The following CACNA1A variants were observed in gnomAD, a reference collection of about 807,000 sequenced individuals.
CACNA1A encodes the protein calcium voltage-gated channel subunit alpha1 A.
A neutral mutation model predicts 262.4 loss-of-function variants in CACNA1A; 57 were observed. The ratio of observed to expected loss-of-function variants is 0.22; its 90% confidence interval spans 0.18 to 0.27. The LOEUF is 0.27. CACNA1A is among the 10% of genes least tolerant of loss of function. CACNA1A has a pLI of 1.00. For synonymous variants in CACNA1A, 1,431 were observed against 1,419.3 expected, an observed-to-expected ratio of 1.01 and a Z score of -0.18; for missense variants, 2,526 against 3,562.8, an observed-to-expected ratio of 0.71 and a Z score of 7.41.
intron 3 of CACNA1A, among the ~76,000 whole-genome samples, chr19:13,425,404 C>T (rs1235245322): frequency 6.6e-6 from 1 of 152,076 alleles, no homozygotes; most frequent in African/African-American, 2.4e-5. Context: ...AGGGTACACA[C>T]GTGTTAGAAA....
chr19:13,223,350 G>A (rs1038766205), intron 38 of CACNA1A, among the ~76,000 whole-genome samples: 2 of 151,958 alleles, frequency 1.3e-5, no homozygotes, highest in Non-Finnish European at 2.9e-5. Context: ...CCACCACCAC[G>A]TCTGGCTAAA....
chr19:13,438,908 T>G (rs975023438), intron 3 of CACNA1A, among the ~76,000 whole-genome samples: 1 of 152,138 alleles, frequency 6.6e-6, no homozygotes, highest in Non-Finnish European at 1.5e-5. Flanking sequence ...CCGACTAATT[T>G]TTATATTTTT....
chr19:13,298,444 T>C (rs1568506669), intron 19 of CACNA1A, 100 bp downstream of exon 19: 2 of 1,166,562 alleles, frequency 1.7e-6, no homozygotes, highest in East Asian at 6.3e-5. Flanking sequence ...CAGCATTTTA[T>C]AATATATTTT....
At chr19:13,293,324 C>T (rs573914246) in intron 19 of CACNA1A, among the ~76,000 whole-genome samples, 42 of 151,806 alleles carry the variant, frequency 2.8e-4, no homozygotes, top group Admixed American at 1.1e-3. Flanking sequence ...TTGACACCAG[C>T]CTGGGCAACA....
intron 6 of CACNA1A, among the ~76,000 whole-genome samples, chr19:13,351,641 C>T (rs2058909885): frequency 6.6e-6 from 1 of 152,192 alleles, no homozygotes; most frequent in Admixed American, 6.5e-5. Flanking sequence ...TCCTGCGTAG[C>T]TGGGACTACA....
intron 6 of CACNA1A, among the ~76,000 whole-genome samples, chr19:13,336,370 T>C (rs1413019394): frequency 6.6e-6 from 1 of 152,158 alleles, no homozygotes; most frequent in Admixed American, 6.5e-5. Flanking sequence ...CCATGAGCCC[T>C]TTCCTCAAGT....
chr19:13,332,404 A>G (rs1445222681), intron 9 of CACNA1A, among the ~76,000 whole-genome samples: 1 of 148,632 alleles, frequency 6.7e-6, no homozygotes, highest in African/African-American at 2.5e-5. Flanking sequence ...TGTCTCAATT[A>G]AAAAAAAAAG....
At chr19:13,360,130 T>C (rs756992725) in intron 5 of CACNA1A, among the ~76,000 whole-genome samples, 4 of 151,800 alleles carry the variant, frequency 2.6e-5, no homozygotes, top group Non-Finnish European at 5.9e-5. Context: ...CATCTCAACA[T>C]TTTGTCATGC....
At chr19:13,416,277 A>AT (rs35189192) in intron 3 of CACNA1A, among the ~76,000 whole-genome samples, 42,328 of 151,568 alleles carry the variant, frequency 0.28, 6,217 homozygotes, top group East Asian at 0.4. Flanking sequence ...ATTTATTTTT[A>AT]TTTTTTATAG....
chr19:13,230,291 C>T, intron 35 of CACNA1A, 82 bp from the exon 36 acceptor site: 4 of 1,478,676 alleles, frequency 2.7e-6, no homozygotes, highest in Non-Finnish European at 3.7e-6. Flanking sequence ...TACAGACAGA[C>T]AGACGGACAG....
rs550703467 is a variant in CACNA1A at position 13,241,640 on chromosome 19, G to A, written c.4950+3542C>T. 109 of 687,878 alleles carry A rather than the reference G, an allele frequency of 1.6e-4. No homozygotes were observed. Among genetic ancestry groups the A allele is most frequent in the Non-Finnish European group, 2.4e-4 (90 of 379,774 alleles). The allele number at this position is 687,878 out of a possible 1,614,324, so 42.6% of individuals were successfully genotyped here. A position where few individuals can be genotyped will look rare whatever the true frequency, so the allele number is the denominator to read the frequency against. Reference sequence around the variant, plus strand: ...CAGTGCCAAAAAACCAATGGGTTTCGGTTCCCGGGCGGGGAGTGGGGGTGG... The same window carrying A: ...CAGTGCCAAAAAACCAATGGGTTTCAGTTCCCGGGCGGGGAGTGGGGGTGG... On this transcript the variant is annotated intron_variant, in intron 31 of 46. Coordinates refer to ENST00000360228, the MANE Select transcript of CACNA1A (RefSeq NM_001127222.2). The surrounding 1 kb of genome is among the most constrained non-coding windows in gnomAD (Gnocchi z 4.0).
At chr19:13,496,799 C>G (rs963664407) in intron 1 of CACNA1A, among the ~76,000 whole-genome samples, 1 of 152,188 alleles carries the variant, frequency 6.6e-6, no homozygotes, top group East Asian at 1.9e-4. Flanking sequence ...ATAAGTCCAT[C>G]CATCTATCCA....
Position 13,410,783 on chromosome 19 carries a change from C to T in CACNA1A, c.540-39004G>A, listed in dbSNP as rs989715428. On this transcript the variant is annotated intron_variant, in intron 3 of 46. Coordinates refer to ENST00000360228, the MANE Select transcript of CACNA1A (RefSeq NM_001127222.2). ...TCATTTTTCATTTGAGTCAACACAT[C>T]AGCATCAGTGGACATCATTGATCAT... Among the ~76,000 whole-genome samples, 7 of 152,252 alleles carry T rather than the reference C, an allele frequency of 4.6e-5. 1 individual carries two copies. The highest frequency in any genetic ancestry group is 2.4e-5 in the African/African-American group (1 of 41,542).
At chr19:13,424,207 CAAACA>C (rs1156795174) in intron 3 of CACNA1A, among the ~76,000 whole-genome samples, 1 of 151,808 alleles carries the variant, frequency 6.6e-6, no homozygotes, top group African/African-American at 2.4e-5. Flanking sequence ...AACAAACAAA[CAAACA>C]AAACAAAACA....
chr19:13,451,675 C>T (rs2060918532), intron 3 of CACNA1A: 1 of 152,230 alleles, frequency 6.6e-6, no homozygotes, highest in South Asian at 2.1e-4. Flanking sequence ...ACACCCCTTC[C>T]AAACTCATAA....
chr19:13,218,602 CAG>C (rs1159428783), intron 38 of CACNA1A, among the ~76,000 whole-genome samples: 2 of 151,326 alleles, frequency 1.3e-5, no homozygotes. Context: ...TTGTTTGAGA[CAG>C]AGTCTTGCTC....
chr19:13,470,926 T>A (rs185742898), intron 1 of CACNA1A, among the ~76,000 whole-genome samples: 1 of 152,188 alleles, frequency 6.6e-6, no homozygotes, highest in East Asian at 1.9e-4. Flanking sequence ...TGCCACAGAT[T>A]GGGTGGCTTA....
intron 31 of CACNA1A, among the ~76,000 whole-genome samples, chr19:13,240,814 T>G (rs2056060271): frequency 6.6e-6 from 1 of 152,204 alleles, no homozygotes; most frequent in Non-Finnish European, 1.5e-5. Flanking sequence ...TGACTGTGTG[T>G]GCAGTGTCTG....
At chr19:13,497,996 C>A (rs544617089) in intron 1 of CACNA1A, among the ~76,000 whole-genome samples, 1 of 151,942 alleles carries the variant, frequency 6.6e-6, no homozygotes, top group African/African-American at 2.4e-5. Context: ...CTCTTTTCCT[C>A]CTTACAGCCT....
Sources: gnomAD v4.1 joint callset for allele counts (sites outside exome capture counted in the v4.1 genomes callset) on GRCh38, gnomAD v4.1.1 for gene constraint, Gnocchi (gnomAD v3.1) non-coding constraint, MANE v1.5 for transcripts, NCBI Gene and HGNC (gene_info 2026-07-23, HGNC 2026-07-21) for gene names.